Variants in MSRB3 observed in about 807,000 individuals in gnomAD.
MSRB3 encodes methionine-R-sulfoxide reductase B3.
MSRB3 carries 13 observed loss-of-function variants against 21.0 expected under a neutral mutation model. The ratio of observed to expected loss-of-function variants is 0.62; its 90% CI spans 0.40 to 0.98. The LOEUF (loss-of-function observed/expected upper bound fraction) is 0.98, where lower values mean the gene tolerates loss of function less well. MSRB3 is among the 50% of genes least tolerant of loss of function. The pLI, the probability that MSRB3 is intolerant of heterozygous loss-of-function variation, is 0.00. For synonymous variants in MSRB3, 87 were observed against 88.6 expected (o/e 0.98, Z 0.10); for missense variants, 199 against 230.3 (o/e 0.86, Z 0.88).
chr12:65,302,520 T>G (rs1354299309), intron 1 of MSRB3, among the ~76,000 whole-genome samples: 4 of 152,198 alleles, frequency 2.6e-5, no homozygotes, highest in Non-Finnish European at 5.9e-5. Flanking sequence ...TGATACATTG[T>G]TTTCCATGTA....
intron 2 of MSRB3, among the ~76,000 whole-genome samples, chr12:65,315,251 T>A (rs1298162295): frequency 6.6e-6 from 1 of 152,232 alleles, no homozygotes; most frequent in East Asian, 1.9e-4. Flanking sequence ...GCATTTGAAA[T>A]CAACGATTTA....
intron 6 of MSRB3, among the ~76,000 whole-genome samples, chr12:65,456,469 C>T (rs1280706026): frequency 6.6e-6 from 1 of 152,114 alleles, no homozygotes; most frequent in East Asian, 1.9e-4. Context: ...CCTACAGTGA[C>T]CAAAGAGAAA....
intron 2 of MSRB3, among the ~76,000 whole-genome samples, chr12:65,321,417 A>G (rs1202423616): frequency 2.0e-5 from 3 of 152,202 alleles, no homozygotes; most frequent in Non-Finnish European, 4.4e-5. Context: ...ATCTTGGATC[A>G]GTGGTCCTCA....
intron 5 of MSRB3, among the ~76,000 whole-genome samples, chr12:65,418,508 C>T (rs1004978083): frequency 1.3e-5 from 2 of 152,068 alleles, no homozygotes; most frequent in Non-Finnish European, 2.9e-5. Flanking sequence ...ATAATGCTAT[C>T]TATTTTTGCC....
intron 4 of MSRB3, among the ~76,000 whole-genome samples, chr12:65,355,728 C>T (rs773741989): frequency 5.3e-5 from 8 of 151,706 alleles, no homozygotes; most frequent in Non-Finnish European, 1.0e-4. Context: ...GTAGTATGCC[C>T]CTTTGAGATT....
chr12:65,422,319 C>T (rs1020918971), intron 5 of MSRB3, among the ~76,000 whole-genome samples: 1 of 137,688 alleles, frequency 7.3e-6, no homozygotes, highest in Non-Finnish European at 1.6e-5. Flanking sequence ...GACAGATAAT[C>T]GAGGTAGAAA....
rs184573131 is a variant in MSRB3, at chr12:65,419,619, C to T, written c.293-34109C>T. The T allele has an allele frequency of 1.0e-3, 714 of 711,744 alleles. 14 individuals are homozygous for T. The highest frequency in any genetic ancestry group is 9.8e-3 in the South Asian group (684 of 69,550). 44.1% of individuals were successfully genotyped at this position (711,744 alleles called of 1,614,324 possible). A position where few individuals can be genotyped will look rare whatever the true frequency, so the allele number is the denominator to read the frequency against. On this transcript the variant is annotated intron_variant, in intron 5 of 6. Transcript: ENST00000308259. ...TTGTGAAGATATGAGCCCTCAGGTCCTCGATGGTCTTGAAATAATGGACCC... is the reference window on the plus strand; with the variant it reads ...TTGTGAAGATATGAGCCCTCAGGTCTTCGATGGTCTTGAAATAATGGACCC...
intron 1 of MSRB3, among the ~76,000 whole-genome samples, chr12:65,287,842 T>C (rs570347580): frequency 6.6e-6 from 1 of 152,284 alleles, no homozygotes; most frequent in African/African-American, 2.4e-5. Flanking sequence ...GTGTATGTGT[T>C]TGTGTTGCAG....
At chr12:65,368,285 A>G (rs1298549084) in intron 4 of MSRB3, among the ~76,000 whole-genome samples, 3 of 152,202 alleles carry the variant, frequency 2.0e-5, no homozygotes, top group Admixed American at 6.5e-5. Context: ...TGTGATATAA[A>G]TCCGACTGGA....
At chr12:65,445,684 C>T (rs1215644845) in intron 5 of MSRB3, among the ~76,000 whole-genome samples, 15 of 143,748 alleles carry the variant, frequency 1.0e-4, no homozygotes, top group Admixed American at 6.4e-4. Context: ...CTCACTCTGT[C>T]GCCCAGGCTG....
chr12:65,309,004 A>G, intron 2 of MSRB3: 1 of 309,356 alleles, frequency 3.2e-6, no homozygotes, highest in Non-Finnish European at 6.1e-6. Flanking sequence ...AAAATAGGAC[A>G]TTCATCTTGT....
intron 5 of MSRB3, among the ~76,000 whole-genome samples, chr12:65,415,002 T>C (rs1355505826): frequency 6.6e-6 from 1 of 152,102 alleles, no homozygotes; most frequent in South Asian, 2.1e-4. Flanking sequence ...TCATAAGATA[T>C]ACAGGTGATA....
intron 1 of MSRB3, among the ~76,000 whole-genome samples, chr12:65,292,442 G>A (rs115284840): frequency 0.042 from 6,380 of 151,836 alleles, 428 homozygotes; most frequent in African/African-American, 0.15. Context: ...CATTGTCATC[G>A]TCATCATCAT....
intron 5 of MSRB3, chr12:65,420,135 G>T: frequency 2.6e-6 from 1 of 377,442 alleles, no homozygotes; most frequent in South Asian, 2.3e-5. Flanking sequence ...TGGATATCTA[G>T]TTTTCTCAGC....
rs1010260229 is a variant in MSRB3, at chr12:65,295,536, T to A, written c.-51-12993T>A. On this transcript the variant is annotated intron_variant, in intron 1 of 6. Coordinates refer to ENST00000308259, the MANE Select transcript of MSRB3 (RefSeq NM_001031679.3). ...TCATACATCATTTGGCTAAAGTACATTTTTGAGTTGATGTCTCCCTTTTTT... is the reference window on the plus strand; with the variant it reads ...TCATACATCATTTGGCTAAAGTACAATTTTGAGTTGATGTCTCCCTTTTTT... Among the ~76,000 whole-genome samples, 6 of 152,186 alleles carry A rather than the reference T, an allele frequency of 3.9e-5. 2 individuals carry two copies. The highest frequency in any genetic ancestry group is 3.3e-4 in the Admixed American group (5 of 15,272).
chr12:65,347,458 T>G (rs1876597069), intron 4 of MSRB3, among the ~76,000 whole-genome samples: 1 of 152,240 alleles, frequency 6.6e-6, no homozygotes. Flanking sequence ...TTTGCTGAAG[T>G]TGCCTATCAG....
intron 2 of MSRB3, among the ~76,000 whole-genome samples, chr12:65,314,556 A>AT (rs1293488056): frequency 6.6e-6 from 1 of 152,154 alleles, no homozygotes; most frequent in Non-Finnish European, 1.5e-5. Context: ...TGAACTTTTA[A>AT]TTATCTGTGA....
In MSRB3 at chr12:65,411,367, G is replaced by T. The variant is rs185734392; in HGVS notation, c.292+42341G>T. Among the ~76,000 whole-genome samples the T allele has an allele frequency of 4.4e-3, 670 of 152,224 alleles. 4 individuals are homozygous for T. Among genetic ancestry groups the T allele is most frequent in the African/African-American group, 0.015 (623 of 41,552 alleles). Reference sequence around the variant, plus strand: ...TACTTTTTATATGTTTTACATATCTGTCTATTCTGTGGTTGAATAAAATAT... The same window carrying T: ...TACTTTTTATATGTTTTACATATCTTTCTATTCTGTGGTTGAATAAAATAT... On this transcript the variant is annotated intron_variant, in intron 5 of 6. Transcript: ENST00000308259.
At chr12:65,448,899 G>A (rs182488356) in intron 5 of MSRB3, among the ~76,000 whole-genome samples, 46 of 152,280 alleles carry the variant, frequency 3.0e-4, no homozygotes, top group Admixed American at 2.4e-3. Context: ...TCTACCACAT[G>A]CCCATATTTG....
Sources: gnomAD v4.1 joint callset for allele counts (sites outside exome capture counted in the v4.1 genomes callset) on GRCh38, gnomAD v4.1.1 for gene constraint, MANE v1.5 for transcripts, NCBI Gene and HGNC (gene_info 2026-07-23, HGNC 2026-07-21) for gene names.